KLF12: variants seen among roughly 807,000 people sequenced by gnomAD.
KLF12 encodes the protein Krueppel-like factor 12.
In KLF12, 9 loss-of-function variants were observed where a neutral mutation model predicts 37.8. That is an observed-to-expected ratio of 0.24 (90% CI 0.14 to 0.42). The LOEUF is 0.42. KLF12 is among the 10% of genes least tolerant of loss of function. The pLI, the probability that KLF12 is intolerant of heterozygous loss-of-function variation, is 1.00. For missense variants in KLF12, 411 were observed against 516.0 expected (o/e 0.80, Z 1.97); for synonymous variants, 208 against 202.1 (o/e 1.03, Z -0.25).
Position 74,064,436 on chromosome 13 carries a change from C to A in KLF12, c.-32+69303G>T, listed in dbSNP as rs893015129. Among the ~76,000 whole-genome samples, 9 of 152,150 alleles carry A rather than the reference C, an allele frequency of 5.9e-5. No individual in the cohort carries two copies. The East Asian group carries it at 7.7e-4, about 13-fold the overall frequency. ...GTATTATAAAGTCACATAACTTTAGCAAAATGAGACATGGGTGGCTGCAAT... is the reference window on the plus strand; with the variant it reads ...GTATTATAAAGTCACATAACTTTAGAAAAATGAGACATGGGTGGCTGCAAT... On this transcript the variant is annotated intron_variant, in intron 1 of 7. Coordinates refer to ENST00000377669, the MANE Select transcript of KLF12 (RefSeq NM_007249.5).
intron 1 of KLF12, among the ~76,000 whole-genome samples, chr13:74,020,598 A>G (rs1018628879): frequency 3.3e-5 from 5 of 152,160 alleles, no homozygotes; most frequent in African/African-American, 1.2e-4. Context: ...CCATAAAAAT[A>G]TGGAATGGAA....
chr13:73,767,893 C>T (rs1880023322), intron 5 of KLF12, among the ~76,000 whole-genome samples: 1 of 152,100 alleles, frequency 6.6e-6, no homozygotes, highest in African/African-American at 2.4e-5. Context: ...TTTTCATAAA[C>T]CTACCTGAGT....
intron 3 of KLF12, among the ~76,000 whole-genome samples, chr13:73,937,824 TA>T (rs1890016384): frequency 6.6e-6 from 1 of 152,216 alleles, no homozygotes; most frequent in Non-Finnish European, 1.5e-5. Context: ...CTGACATTAT[TA>T]AAATCAGTCT....
intron 1 of KLF12, among the ~76,000 whole-genome samples, chr13:74,100,833 C>T (rs886172520): frequency 6.6e-5 from 10 of 152,142 alleles, no homozygotes; most frequent in African/African-American, 2.4e-4. Context: ...ACCTTAGAAA[C>T]TGCCTCAGAA....
At chr13:73,815,918 G>A (rs566100963) in intron 4 of KLF12, among the ~76,000 whole-genome samples, 93 of 152,244 alleles carry the variant, frequency 6.1e-4, no homozygotes, top group African/African-American at 2.2e-3. Context: ...ATTATGTTAT[G>A]TTTGTATCTT....
chr13:73,732,768 C>T (rs1183937135), intron 6 of KLF12, among the ~76,000 whole-genome samples: 1 of 152,068 alleles, frequency 6.6e-6, no homozygotes, highest in Non-Finnish European at 1.5e-5. Flanking sequence ...ACTCTCCCTT[C>T]CCTGAGCTCC....
intron 2 of KLF12, among the ~76,000 whole-genome samples, chr13:73,945,266 C>T (rs985569279): frequency 2.6e-5 from 4 of 152,040 alleles, no homozygotes; most frequent in African/African-American, 7.2e-5. Flanking sequence ...GTCAGGAGTT[C>T]GAGACCAGCC....
intron 5 of KLF12, among the ~76,000 whole-genome samples, chr13:73,809,228 T>A (rs1882801828): frequency 6.6e-6 from 1 of 152,352 alleles, no homozygotes; most frequent in African/African-American, 2.4e-5. Flanking sequence ...TGTTTTCATT[T>A]TTTTACATGC....
chr13:73,811,449 C>T (rs1461372156), intron 5 of KLF12, among the ~76,000 whole-genome samples: 1 of 152,110 alleles, frequency 6.6e-6, no homozygotes, highest in Admixed American at 6.6e-5. Context: ...AGAATAATGA[C>T]TCTTGCTGTA....
upstream of KLF12, among the ~76,000 whole-genome samples, chr13:74,136,154 G>A (rs900838863): frequency 1.3e-5 from 2 of 152,144 alleles, no homozygotes; most frequent in Non-Finnish European, 2.9e-5. Context: ...AGCACTGCTC[G>A]AGTGAAGTAG....
intron 5 of KLF12, among the ~76,000 whole-genome samples, chr13:73,805,610 AAGGGAGGGAGGGAGGGAGGG>A (rs1175434136): frequency 4.5e-5 from 3 of 67,056 alleles, no homozygotes; most frequent in Admixed American, 1.7e-4. Context: ...TGTCAGAAGG[AAGGGAGGGAGGGAGGGAGGG>A]AGGGAGGGAG....
chr13:73,995,589 C>G (rs1892090136), intron 1 of KLF12, among the ~76,000 whole-genome samples: 1 of 152,064 alleles, frequency 6.6e-6, no homozygotes, highest in Non-Finnish European at 1.5e-5. Flanking sequence ...GGTTCCATGT[C>G]AGCCAATACC....
At chr13:73,879,668 T>G (rs1195035849) in intron 3 of KLF12, among the ~76,000 whole-genome samples, 1 of 152,198 alleles carries the variant, frequency 6.6e-6, no homozygotes, top group Non-Finnish European at 1.5e-5. Flanking sequence ...AAACAATGAC[T>G]TAATTACTCA....
In KLF12 at chr13:73,687,595, T is replaced by C. The variant is rs1292350637; in HGVS notation, c.*7895A>G. ...TTTTTTTTGCCATATCTTTGGAGCA[T>C]GAAATTAGCAGAAAGGGAAGATGTT... On this transcript the variant is annotated 3_prime_UTR_variant, in exon 8 of 8. Transcript: ENST00000377669. The C allele has an allele frequency of 1.3e-5, 2 of 152,004 alleles. No individual in the cohort carries two copies. Among genetic ancestry groups the C allele is most frequent in the South Asian group, 2.1e-4 (1 of 4,822 alleles). The allele number at this position is 152,004 out of a possible 1,614,324, so 9.4% of individuals were successfully genotyped here. A position where few individuals can be genotyped will look rare whatever the true frequency, so the allele number is the denominator to read the frequency against.
chr13:73,825,638 G>A (rs1306524071), intron 4 of KLF12, among the ~76,000 whole-genome samples: 3 of 152,142 alleles, frequency 2.0e-5, no homozygotes, highest in African/African-American at 7.2e-5. Flanking sequence ...GGTGCTTGAG[G>A]TTGCTGTGTG....
chr13:74,291,449 G>T, the KLF12 span, among the ~76,000 whole-genome samples: 1 of 152,184 alleles, frequency 6.6e-6, no homozygotes, highest in Non-Finnish European at 1.5e-5. Context: ...GGCAAGTGAG[G>T]CCCCAAGCAT....
At chr13:74,097,982 T>C (rs1876078690) in intron 1 of KLF12, among the ~76,000 whole-genome samples, 1 of 152,124 alleles carries the variant, frequency 6.6e-6, no homozygotes, top group Admixed American at 6.5e-5. Flanking sequence ...GACTAAAAAA[T>C]GGCAACAACC....
chr13:74,092,749 T>A (rs1469758573), intron 1 of KLF12, among the ~76,000 whole-genome samples: 11 of 152,196 alleles, frequency 7.2e-5, no homozygotes, highest in Admixed American at 7.2e-4. Flanking sequence ...CTAAAACTCA[T>A]CAAGAAGACA....
At chr13:74,062,672 A>C in intron 1 of KLF12, among the ~76,000 whole-genome samples, 1 of 152,192 alleles carries the variant, frequency 6.6e-6, no homozygotes, top group Middle Eastern at 3.2e-3. Flanking sequence ...CAATATGCTG[A>C]TAAATTATCT....
Sources: gnomAD v4.1 joint callset for allele counts (sites outside exome capture counted in the v4.1 genomes callset) on GRCh38, gnomAD v4.1.1 for gene constraint, MANE v1.5 for transcripts, NCBI Gene and HGNC (gene_info 2026-07-23, HGNC 2026-07-21) for gene names.